The following CPNE5 variants were observed in gnomAD, a reference collection of about 807,000 sequenced individuals.
CPNE5 encodes copine-5.
A neutral mutation model predicts 81.1 loss-of-function variants in CPNE5; 42 were observed. That is an observed-to-expected ratio of 0.52 (90% confidence interval 0.40 to 0.67). The LOEUF (loss-of-function observed/expected upper bound fraction) is 0.67. Ranked by LOEUF, CPNE5 falls within the 30% of genes least tolerant of loss-of-function variation. The pLI is 0.00. For missense variants in CPNE5, 612 were observed against 815.5 expected, an observed-to-expected ratio of 0.75 and a Z score of 3.04; for synonymous variants, 313 against 321.5, an observed-to-expected ratio of 0.97 and a Z score of 0.28.
chr6:36,769,798 G>A (rs1766901558), intron 10 of CPNE5, among the ~76,000 whole-genome samples: 1 of 152,190 alleles, frequency 6.6e-6, no homozygotes, highest in African/African-American at 2.4e-5. Context: ...GGCCATCTGT[G>A]GAGATGCCTG....
chr6:36,778,995 G>C lies in CPNE5; in HGVS notation c.529-38C>G, dbSNP rs1161735773. 7 of 1,409,462 alleles carry C rather than the reference G, an allele frequency of 5.0e-6. No individual in the cohort carries two copies. In the South Asian group the frequency reaches 8.1e-5, roughly 16 times the overall value. 87.3% of individuals were successfully genotyped at this position (1,409,462 alleles called of 1,614,324 possible). On this transcript the variant is annotated intron_variant, in intron 8 of 20. Coordinates refer to ENST00000244751, the MANE Select transcript of CPNE5 (RefSeq NM_020939.2). The stretch of plus-strand genomic sequence containing the variant: ...AGGGAGAACGGGGTGTGAGGCAGGA[G>C]AAAGTGGAAGCACAGCTCCCAGACC...
At chr6:36,777,166 G>A (rs1264692237) in intron 9 of CPNE5, among the ~76,000 whole-genome samples, 2 of 70,200 alleles carry the variant, frequency 2.8e-5, no homozygotes, top group Admixed American at 1.2e-4. Context: ...TGGCTCCACT[G>A]CCAGGGAGAG....
At chr6:36,826,511 C>T (rs1772513686) in intron 1 of CPNE5, among the ~76,000 whole-genome samples, 1 of 152,180 alleles carries the variant, frequency 6.6e-6, no homozygotes, top group Non-Finnish European at 1.5e-5. Context: ...TCTCTCTGGC[C>T]TGGAGTGTGC....
chr6:36,826,187 G>C (rs902844934), intron 1 of CPNE5, among the ~76,000 whole-genome samples: 1 of 152,076 alleles, frequency 6.6e-6, no homozygotes, highest in African/African-American at 2.4e-5. Flanking sequence ...GGTGGGAGGG[G>C]GAGGTCTTAT....
rs779081527 is a variant in CPNE5, at chr6:36,798,328, G to A, written c.328-87C>T. 1,248 of 1,503,752 alleles carry A rather than the reference G, an allele frequency of 8.3e-4. 4 individuals are homozygous for A. The highest frequency in any genetic ancestry group is 1.0e-3 in the Non-Finnish European group (1,126 of 1,083,366). The allele number at this position is 1,503,752 out of a possible 1,614,324, so 93.2% of individuals were successfully genotyped here. A position where few individuals can be genotyped will look rare whatever the true frequency, so the allele number is the denominator to read the frequency against. On this transcript the variant is annotated intron_variant, in intron 5 of 20. Coordinates refer to ENST00000244751, the MANE Select transcript of CPNE5 (RefSeq NM_020939.2). ...CCCCCATCGCCCAATTCCTGGAAGC[G>A]TGAGGGCCCTTAAATGACAGGACGC...
chr6:36,789,696 A>G (rs1768916059), intron 8 of CPNE5, among the ~76,000 whole-genome samples: 1 of 152,178 alleles, frequency 6.6e-6, no homozygotes, highest in African/African-American at 2.4e-5. Flanking sequence ...CTCCAGTGGC[A>G]TCCAGATCCT....
chr6:36,795,398 C>T (rs918422127), intron 6 of CPNE5, among the ~76,000 whole-genome samples: 17 of 152,252 alleles, frequency 1.1e-4, no homozygotes, highest in African/African-American at 3.4e-4. Context: ...AGGATGGTCT[C>T]GAACTCCTGA....
intron 14 of CPNE5, among the ~76,000 whole-genome samples, chr6:36,750,511 C>A (rs1764691500): frequency 1.3e-5 from 2 of 152,304 alleles, no homozygotes; most frequent in East Asian, 1.9e-4. Flanking sequence ...CTAGCAAGAA[C>A]CTGGGTCCCT....
chr6:36,810,968 A>G (rs1771048059), intron 3 of CPNE5, among the ~76,000 whole-genome samples: 1 of 152,192 alleles, frequency 6.6e-6, no homozygotes, highest in African/African-American at 2.4e-5. Context: ...CCCAGAGACC[A>G]GGGTCAGGGT....
At chr6:36,789,687 T>C (rs994393409) in intron 8 of CPNE5, among the ~76,000 whole-genome samples, 1 of 152,170 alleles carries the variant, frequency 6.6e-6, no homozygotes, top group Non-Finnish European at 1.5e-5. Context: ...TTGTCTGAAC[T>C]CCAGTGGCAT....
chr6:36,745,624 G>A, intron 16 of CPNE5, 109 bp from the exon 17 acceptor site: 1 of 1,251,190 alleles, frequency 8.0e-7, no homozygotes, highest in Non-Finnish European at 1.1e-6. Flanking sequence ...GCTCCCCCAG[G>A]TCTTCTCTGG....
At chr6:36,801,121 C>G (rs564449339) in intron 3 of CPNE5, among the ~76,000 whole-genome samples, 1 of 152,346 alleles carries the variant, frequency 6.6e-6, no homozygotes, top group African/African-American at 2.4e-5. Context: ...AATTCAGAGA[C>G]TGAATTGTCT....
intron 2 of CPNE5, 57 bp from the exon 3 acceptor site, chr6:36,822,217 C>T: frequency 7.2e-7 from 1 of 1,395,038 alleles, no homozygotes; most frequent in South Asian, 1.5e-5. Flanking sequence ...AAGGAGGGGT[C>T]CCAGATGAAA....
chr6:36,787,177 CTCTT>C (rs1274209091), intron 8 of CPNE5, among the ~76,000 whole-genome samples: 2 of 152,210 alleles, frequency 1.3e-5, no homozygotes, highest in Non-Finnish European at 2.9e-5. Flanking sequence ...CTTCTCATCT[CTCTT>C]TCTCCATGGC....
intron 3 of CPNE5, among the ~76,000 whole-genome samples, chr6:36,814,056 G>A (rs1771328402): frequency 6.6e-6 from 1 of 152,180 alleles, no homozygotes; most frequent in South Asian, 2.1e-4. Flanking sequence ...GAGCTGGTAT[G>A]AAAACCCAGA....
intron 3 of CPNE5, among the ~76,000 whole-genome samples, chr6:36,803,606 G>A (rs934044567): frequency 2.6e-5 from 4 of 152,162 alleles, no homozygotes; most frequent in African/African-American, 9.7e-5. Flanking sequence ...GATATTGACC[G>A]ATTTTGCATC....
In CPNE5 at chr6:36,774,930, G is replaced by A; in HGVS notation, c.737+31C>T. 6 of 1,561,244 alleles carry A rather than the reference G, an allele frequency of 3.8e-6. No individual in the cohort carries two copies. In the Admixed American group the frequency reaches 6.7e-5, roughly 17 times the overall value. ...GCTTGGGGAGGGCCCAGAAGCAGAA[G>A]GAAAAAAGAAGGGACATTTTCTCAT... On this transcript the variant is annotated intron_variant, in intron 10 of 20. Coordinates refer to ENST00000244751, the MANE Select transcript of CPNE5 (RefSeq NM_020939.2).
chr6:36,750,484 T>C (rs139384986), intron 14 of CPNE5, among the ~76,000 whole-genome samples: 44 of 152,216 alleles, frequency 2.9e-4, no homozygotes, highest in African/African-American at 1.0e-3. Flanking sequence ...GGCAGTAGGA[T>C]AGAAGGAGCC....
At chr6:36,801,590 A>G (rs774537131) in intron 3 of CPNE5, among the ~76,000 whole-genome samples, 1 of 152,190 alleles carries the variant, frequency 6.6e-6, no homozygotes, top group Non-Finnish European at 1.5e-5. Context: ...TGAAGTTTAA[A>G]CCCACTGCAT....
Sources: allele counts gnomAD v4.1 joint callset (sites outside exome capture counted in the v4.1 genomes callset), GRCh38; gene constraint gnomAD v4.1.1; transcripts MANE v1.5; gene names NCBI Gene and HGNC (gene_info 2026-07-23, HGNC 2026-07-21).